The following ADRA1D variants were observed in gnomAD, a reference collection of about 807,000 sequenced individuals.
ADRA1D encodes adrenoceptor alpha 1D, also known as alpha-1D adrenergic receptor.
In ADRA1D, 22 loss-of-function variants were observed where a neutral mutation model predicts 18.6. The observed-to-expected ratio is 1.19, with a 90% confidence interval of 0.85 to 1.69. The LOEUF is 1.69. Among genes scored for constraint, ADRA1D ranks in the 40% most tolerant of loss-of-function variants. ADRA1D has a pLI of 0.00. For missense variants in ADRA1D, 840 were observed against 840.7 expected, an observed-to-expected ratio of 1.00 and a Z score of 0.01; for synonymous variants, 376 against 388.2, an observed-to-expected ratio of 0.97 and a Z score of 0.37.
At chr20:4,238,418 GGGA>G (rs1981146537) in intron 1 of ADRA1D, among the ~76,000 whole-genome samples, 1 of 152,142 alleles carries the variant, frequency 6.6e-6, no homozygotes, top group Admixed American at 6.5e-5. Context: ...ATGGGATTGA[GGGA>G]GAATCTTTAA....
intron 1 of ADRA1D, among the ~76,000 whole-genome samples, chr20:4,245,047 G>A (rs1372711474): frequency 2.0e-5 from 3 of 152,238 alleles, no homozygotes; most frequent in Non-Finnish European, 2.9e-5. Context: ...AGAGCTGTGC[G>A]TGCCAGCAAG....
chr20:4,222,293 A>T lies in ADRA1D; in HGVS notation c.1112-163T>A. 1.1e-6 allele frequency: 1 copy of T among 946,830 alleles called. No homozygotes were observed. The highest frequency in any genetic ancestry group is 1.5e-6 in the Non-Finnish European group (1 of 681,330). The allele number at this position is 946,830 out of a possible 1,614,324, so 58.7% of individuals were successfully genotyped here. On this transcript the variant is annotated intron_variant, in intron 1 of 1. Transcript: ENST00000379453. This position sits in a 1 kb window ranked among gnomAD's most constrained non-coding sequence, Gnocchi z 4.3. The stretch of plus-strand genomic sequence containing the variant: ...TCAGGAGGTCCATGAACTTGGATAG[A>T]GAAAAATAATAATTGTTTTCACTCA...
chr20:4,248,783 C>CACCGCCCGGCCCCGGA lies in ADRA1D; in HGVS notation c.174_175insTCCGGGGCCGGGCGGT (p.Ala59SerfsTer61). 2.5e-6 allele frequency: 3 copies of CACCGCCCGGCCCCGGA among 1,211,496 alleles called. No individual in the cohort carries two copies. Among genetic ancestry groups the CACCGCCCGGCCCCGGA allele is most frequent in the Non-Finnish European group, 3.1e-6 (3 of 975,206 alleles). 75.0% of individuals were successfully genotyped at this position (1,211,496 alleles called of 1,614,324 possible). A position where few individuals can be genotyped will look rare whatever the true frequency, so the allele number is the denominator to read the frequency against. ...CTCCGGTTGTCCTCGCCGCTGCCTGCGCCCACCACGCCGCCGCCGCCGCCC... is the reference window on the plus strand; with the variant it reads ...CTCCGGTTGTCCTCGCCGCTGCCTGCACCGCCCGGCCCCGGAGCCCACCACGCCGCCGCCGCCGCCC... On this transcript the variant is annotated frameshift_variant, in exon 1 of 2. Transcript: ENST00000379453. LOFTEE classifies it high-confidence loss of function.
rs189426072 is a variant in ADRA1D, at chr20:4,244,442, C to A, written c.1111+3405G>T. Among the ~76,000 whole-genome samples, 9 of 152,306 alleles carry A rather than the reference C, an allele frequency of 5.9e-5. No homozygotes were observed. The East Asian group carries it at 1.5e-3, about 26-fold the overall frequency. ...ACGTCAATGCTCCCCAAAGCTCTGT[C>A]CTGAGATCCTCTTTTCTCTCTCCTC... On this transcript the variant is annotated intron_variant, in intron 1 of 1. Coordinates refer to ENST00000379453, the MANE Select transcript of ADRA1D (RefSeq NM_000678.4).
intron 1 of ADRA1D, among the ~76,000 whole-genome samples, chr20:4,247,217 T>G (rs1444454115): frequency 6.6e-6 from 1 of 152,180 alleles, no homozygotes; most frequent in Non-Finnish European, 1.5e-5. Flanking sequence ...ATTAACAATA[T>G]GAACTTTCCA....
chr20:4,236,710 A>G (rs1417213798), intron 1 of ADRA1D, among the ~76,000 whole-genome samples: 1 of 152,216 alleles, frequency 6.6e-6, no homozygotes, highest in Non-Finnish European at 1.5e-5. Flanking sequence ...GGTGGGCACA[A>G]AGTAATGACA....
Position 4,248,007 on chromosome 20 carries a change from C to T in ADRA1D, c.951G>A (p.Gly317=), listed in dbSNP as rs1363771140. The stretch of plus-strand genomic sequence containing the variant: ...CCTTGGCGCTGCGCATGCCGTGCGC[C>T]CCGTCGGCGCCCGTGGCCGCGCCGC... ...HCRGAATGAD[G]AHGMRSAKGH... is the part of the protein sequence containing the mutation. Residue 317 remains glycine, a synonymous_variant, in exon 1 of 2, where the codon GGG becomes GGA. Transcript: ENST00000379453. The T allele has an allele frequency of 1.3e-6, 2 of 1,557,328 alleles. No individual in the cohort carries two copies. The highest frequency in any genetic ancestry group is 2.0e-5 in the Admixed American group (1 of 51,174).
intron 1 of ADRA1D, among the ~76,000 whole-genome samples, chr20:4,245,084 T>G (rs557208940): frequency 1.1e-3 from 166 of 152,354 alleles, no homozygotes; most frequent in Non-Finnish European, 1.3e-3. Context: ...AATTAAGGGA[T>G]GACTTCCTGG....
Position 4,239,390 on chromosome 20 carries a change from A to G in ADRA1D, c.1111+8457T>C, listed in dbSNP as rs1981164192. Among the ~76,000 whole-genome samples the G allele has an allele frequency of 1.3e-5, 2 of 152,242 alleles. No homozygotes were observed. The highest frequency in any genetic ancestry group is 2.9e-5 in the Non-Finnish European group (2 of 68,030). On this transcript the variant is annotated intron_variant, in intron 1 of 1. Coordinates refer to ENST00000379453, the MANE Select transcript of ADRA1D (RefSeq NM_000678.4). The surrounding 1 kb of genome is among the most constrained non-coding windows in gnomAD (Gnocchi z 4.9). ...ATGTCCAAGGACAGAAGTCCCCATC[A>G]GTGTTGTGTTTTTCTTCTACTGAAA... is the stretch of plus-strand genomic sequence containing the variant.
chr20:4,222,033 G>A lies in ADRA1D; in HGVS notation c.1209C>T (p.Pro403=), dbSNP rs1390887243. ...FNSCVNPLIY[P]CSSREFKRAF... The stretch of plus-strand genomic sequence containing the variant: ...CGCGCTTGAACTCGCGGCTGGAACA[G>A]GGGTAGATGAGCGGGTTCACGCAGC... The change falls in exon 2 of 2, where the codon CCC becomes CCT. Residue 403 remains proline (P), a synonymous_variant. Coordinates refer to ENST00000379453, the MANE Select transcript of ADRA1D (RefSeq NM_000678.4). The surrounding 1 kb of genome is among the most constrained non-coding windows in gnomAD (Gnocchi z 4.3). The A allele has an allele frequency of 6.2e-7, 1 of 1,610,854 alleles. No homozygotes were observed.
chr20:4,244,609 T>TC (rs1981291536), intron 1 of ADRA1D, among the ~76,000 whole-genome samples: 1 of 152,004 alleles, frequency 6.6e-6, no homozygotes, highest in Admixed American at 6.6e-5. Context: ...GGGTCCACAT[T>TC]CCCCCCAAAA....
chr20:4,223,417 AG>A (rs1482104761), intron 1 of ADRA1D, among the ~76,000 whole-genome samples: 1 of 152,222 alleles, frequency 6.6e-6, no homozygotes, highest in African/African-American at 2.4e-5. Context: ...TGTAACAAAA[AG>A]GGGTAAGGAC....
chr20:4,245,200 C>T (rs1466121929), intron 1 of ADRA1D, among the ~76,000 whole-genome samples: 1 of 152,202 alleles, frequency 6.6e-6, no homozygotes, highest in Admixed American at 6.5e-5. Context: ...AGGATCAACG[C>T]ACTGTGGAAT....
intron 1 of ADRA1D, among the ~76,000 whole-genome samples, chr20:4,227,594 C>A (rs941065987): frequency 6.6e-6 from 1 of 152,050 alleles, no homozygotes; most frequent in African/African-American, 2.4e-5. Context: ...CTTTGTATCA[C>A]CTTCATGTTA....
chr20:4,242,727 G>A (rs376786602), intron 1 of ADRA1D, among the ~76,000 whole-genome samples: 1 of 152,112 alleles, frequency 6.6e-6, no homozygotes, highest in Non-Finnish European at 1.5e-5. Flanking sequence ...CTGAGTCTCC[G>A]GGCTGCTTTG....
intron 1 of ADRA1D, among the ~76,000 whole-genome samples, chr20:4,241,031 C>T (rs565300504): frequency 1.8e-4 from 27 of 152,210 alleles, no homozygotes; most frequent in African/African-American, 5.5e-4. Flanking sequence ...TATTAACTGT[C>T]CTGTTAAAGA....
chr20:4,234,226 C>A lies in ADRA1D; in HGVS notation c.1112-12096G>T, dbSNP rs374495516. On this transcript the variant is annotated intron_variant, in intron 1 of 1. Transcript: ENST00000379453. The stretch of plus-strand genomic sequence containing the variant: ...GCCTGCAGGAGCTGCTGGGACGCTG[C>A]TAAGGCAGGGAGGGACATGGCTGGA... Among the ~76,000 whole-genome samples the A allele has an allele frequency of 4.5e-4, 68 of 152,336 alleles. No homozygotes were observed. In the East Asian group the frequency reaches 0.012, roughly 28 times the overall value.
intron 1 of ADRA1D, among the ~76,000 whole-genome samples, chr20:4,233,607 G>A (rs562504792): frequency 9.6e-4 from 146 of 152,090 alleles, no homozygotes; most frequent in South Asian, 1.9e-3. Context: ...TAGGGAACCC[G>A]ACCCAAGACA....
In ADRA1D at chr20:4,220,728, G is replaced by C. The variant is rs1980638556; in HGVS notation, c.*795C>G. On this transcript the variant is annotated 3_prime_UTR_variant, in exon 2 of 2. Coordinates refer to ENST00000379453, the MANE Select transcript of ADRA1D (RefSeq NM_000678.4). The stretch of plus-strand genomic sequence containing the variant: ...TTTTTAATGGGTTATGGGCTAAAGA[G>C]GGACAGTTTGCACAGCTTGGACAAA... 6.6e-6 allele frequency: 1 copy of C among 152,512 alleles called. No individual in the cohort carries two copies. The highest frequency in any genetic ancestry group is 2.1e-4 in the South Asian group (1 of 4,820). The allele number at this position is 152,512 out of a possible 1,614,324, so 9.4% of individuals were successfully genotyped here.
Sources: allele counts gnomAD v4.1 joint callset (sites outside exome capture counted in the v4.1 genomes callset), GRCh38; gene constraint gnomAD v4.1.1; non-coding constraint Gnocchi (gnomAD v3.1); transcripts MANE v1.5; gene names NCBI Gene and HGNC (gene_info 2026-07-23, HGNC 2026-07-21).